LAMC1: variants seen among roughly 807,000 people sequenced by gnomAD.
LAMC1 encodes laminin subunit gamma 1, also known as laminin subunit gamma-1.
A neutral mutation model predicts 173.6 loss-of-function variants in LAMC1; 38 were observed. That is an observed-to-expected ratio of 0.22 (90% CI 0.17 to 0.29). The LOEUF is 0.29. LAMC1 is among the 10% of genes least tolerant of loss of function. The probability of loss-of-function intolerance (pLI) is 1.00; values close to 1 mark genes in which losing one functional copy is unlikely to be tolerated. For synonymous variants in LAMC1, 746 were observed against 749.1 expected, an observed-to-expected ratio of 1.00 and a Z score of 0.07; for missense variants, 1,824 against 2,051.8, an observed-to-expected ratio of 0.89 and a Z score of 2.14.
At chr1:183,030,981 A>C (rs892319364) in intron 1 of LAMC1, among the ~76,000 whole-genome samples, 12 of 152,220 alleles carry the variant, frequency 7.9e-5, no homozygotes, top group Non-Finnish European at 1.8e-4. Context: ...TGGACGACGT[A>C]GACCCTATCT....
Position 183,117,310 on chromosome 1 carries a change from C to A in LAMC1, c.1565-10C>A, listed in dbSNP as rs774255713. The A allele has an allele frequency of 1.3e-6, 2 of 1,598,252 alleles. No homozygotes were observed. Among genetic ancestry groups the A allele is most frequent in the South Asian group, 1.1e-5 (1 of 90,366 alleles). ...TGTAAAGTGCTTGTGTTTTCCTTCTCTACCTGCAGATGAGGATGGGTGGCG... is the reference window on the plus strand; with the variant it reads ...TGTAAAGTGCTTGTGTTTTCCTTCTATACCTGCAGATGAGGATGGGTGGCG... On this transcript the variant is annotated splice_polypyrimidine_tract_variant and intron_variant, in intron 8 of 27. Transcript: ENST00000258341.
chr1:183,106,769 C>G (rs1299536863), intron 2 of LAMC1, among the ~76,000 whole-genome samples: 1 of 152,176 alleles, frequency 6.6e-6, no homozygotes, highest in Non-Finnish European at 1.5e-5. Context: ...CAGCTGGGGC[C>G]TGGGTCTCTG....
In LAMC1 at chr1:183,116,638, G is replaced by C; in HGVS notation, c.1390G>C (p.Val464Leu). The part of the protein sequence containing the change: ...DECNIETGRC[V>L]CKDNVEGFNC... ...ATGTAATATTGAAACAGGAAGATGTGTTTGCAAAGACAATGTCGAAGGCTT... is the reference window on the plus strand; with the variant it reads ...ATGTAATATTGAAACAGGAAGATGTCTTTGCAAAGACAATGTCGAAGGCTT... The change falls in exon 7 of 28, where the codon GTT (valine) becomes CTT (leucine). Residue 464 changes from valine (V) to leucine (L), a missense_variant. Coordinates refer to ENST00000258341, the MANE Select transcript of LAMC1 (RefSeq NM_002293.4). The C allele has an allele frequency of 6.2e-7, 1 of 1,613,606 alleles. No individual in the cohort carries two copies. Among genetic ancestry groups the C allele is most frequent in the East Asian group, 2.2e-5 (1 of 44,878 alleles).
chr1:183,038,692 A>G (rs1268050628), intron 1 of LAMC1, among the ~76,000 whole-genome samples: 1 of 152,190 alleles, frequency 6.6e-6, no homozygotes, highest in Non-Finnish European at 1.5e-5. Flanking sequence ...TGGCATCACG[A>G]ATCCCAATTA....
chr1:183,110,744 G>A, intron 4 of LAMC1, 90 bp downstream of exon 4: 1 of 1,357,648 alleles, frequency 7.4e-7, no homozygotes. Flanking sequence ...ATTCCTCCTT[G>A]AAAGGAAAGC....
intron 1 of LAMC1, among the ~76,000 whole-genome samples, chr1:183,054,263 A>G (rs948876860): frequency 6.6e-6 from 1 of 152,222 alleles, no homozygotes; most frequent in Non-Finnish European, 1.5e-5. Flanking sequence ...CCCAGTGCGG[A>G]TGGAGCACTC....
At chr1:183,086,045 A>G (rs1655418396) in intron 1 of LAMC1, among the ~76,000 whole-genome samples, 1 of 152,214 alleles carries the variant, frequency 6.6e-6, no homozygotes, top group African/African-American at 2.4e-5. Context: ...GCAGACAATA[A>G]AAACAGGAAT....
chr1:183,027,155 C>T (rs1403371228), intron 1 of LAMC1, among the ~76,000 whole-genome samples: 3 of 152,130 alleles, frequency 2.0e-5, no homozygotes, highest in African/African-American at 7.2e-5. Context: ...CTGAAAACAG[C>T]GCTCTCTTAA....
Position 183,110,535 on chromosome 1 carries a change from A to T in LAMC1, c.902A>T (p.Asp301Val), listed in dbSNP as rs1656116937. 2 of 1,613,668 alleles carry T rather than the reference A, an allele frequency of 1.2e-6. No homozygotes were observed. The highest frequency in any genetic ancestry group is 8.5e-7 in the Non-Finnish European group (1 of 1,179,762). The change falls in exon 4 of 28, where the codon GAT becomes GTT. Residue 301 changes from aspartate (D) to valine (V), a missense_variant. Coordinates refer to ENST00000258341, the MANE Select transcript of LAMC1 (RefSeq NM_002293.4). ...HASECMKNEFDKLVCNCKHNT... is the reference protein window; with the variant it reads ...HASECMKNEFVKLVCNCKHNT... ...AGCGAGTGTATGAAGAACGAATTTG[A>T]TAAGCTGGTGTGTAATTGCAAACAT...
At chr1:183,040,424 A>C (rs903164039) in intron 1 of LAMC1, among the ~76,000 whole-genome samples, 1 of 152,382 alleles carries the variant, frequency 6.6e-6, no homozygotes, top group East Asian at 1.9e-4. Context: ...CTAGGCTTCA[A>C]ACATCTGCTG....
In LAMC1 at chr1:183,047,965, C is replaced by T. The variant is rs569089952; in HGVS notation, c.418+23831C>T. 6.6e-5 allele frequency among the ~76,000 whole-genome samples: 10 copies of T among 152,098 alleles called. 1 individual carries two copies. The South Asian group carries it at 2.1e-3, about 32-fold the overall frequency. Reference sequence around the variant, plus strand: ...TTTAGCTTACCGAGAGTTAGTTCACCAATTCGGAAGGCCCCATCTCTGCCA... The same window carrying T: ...TTTAGCTTACCGAGAGTTAGTTCACTAATTCGGAAGGCCCCATCTCTGCCA... On this transcript the variant is annotated intron_variant, in intron 1 of 27. Coordinates refer to ENST00000258341, the MANE Select transcript of LAMC1 (RefSeq NM_002293.4).
At position 183,124,857 on chromosome 1, in the gene LAMC1, T is replaced by C; in HGVS notation, c.2628T>C (p.Asn876=). Residue 876 remains asparagine (N), a synonymous_variant, in exon 14 of 28, where the codon AAT becomes AAC. Coordinates refer to ENST00000258341, the MANE Select transcript of LAMC1 (RefSeq NM_002293.4). ...DGFFGNPLAP[N]PADKCKACNC... is the part of the protein sequence containing the mutation. ...TTTTTGGAAATCCCCTGGCTCCCAA[T>C]CCAGCAGACAAATGCAAAGGTAATC... is the stretch of plus-strand genomic sequence containing the variant. The C allele has an allele frequency of 6.2e-7, 1 of 1,614,092 alleles. No individual in the cohort carries two copies. Among genetic ancestry groups the C allele is most frequent in the Admixed American group, 1.7e-5 (1 of 60,014 alleles).
At chr1:183,089,670 T>C (rs1278684055) in intron 1 of LAMC1, among the ~76,000 whole-genome samples, 1 of 152,230 alleles carries the variant, frequency 6.6e-6, no homozygotes, top group African/African-American at 2.4e-5. Context: ...ATTTAATCTA[T>C]AACACTAAAT....
chr1:183,100,521 A>C (rs574816053), intron 1 of LAMC1, among the ~76,000 whole-genome samples: 2 of 152,250 alleles, frequency 1.3e-5, no homozygotes, highest in East Asian at 3.9e-4. Flanking sequence ...GCTTTCATAC[A>C]TGCCATTTCA....
rs73036978 is a variant in LAMC1 at position 183,143,050 on chromosome 1, G to T, written c.*260G>T. 2 of 407,168 alleles carry T rather than the reference G, an allele frequency of 4.9e-6. No individual in the cohort carries two copies. The highest frequency in any genetic ancestry group is 2.7e-5 in the South Asian group (1 of 36,880). 25.2% of individuals were successfully genotyped at this position (407,168 alleles called of 1,614,324 possible). A position where few individuals can be genotyped will look rare whatever the true frequency, so the allele number is the denominator to read the frequency against. ...ACCCACACTTTCCCTTCTGATTTGC[G>T]TGAGGACGTGGCATCCTACGTTACT... On this transcript the variant is annotated 3_prime_UTR_variant, in exon 28 of 28. Transcript: ENST00000258341.
At chr1:183,036,396 CTT>C (rs768370901) in intron 1 of LAMC1, among the ~76,000 whole-genome samples, 4 of 96,588 alleles carry the variant, frequency 4.1e-5, no homozygotes, top group African/African-American at 7.9e-5. Flanking sequence ...CCACGCCAGT[CTT>C]TTTTTTTTTT....
chr1:183,133,348 A>G, intron 21 of LAMC1, 58 bp from the exon 22 acceptor site: 1 of 1,486,032 alleles, frequency 6.7e-7, no homozygotes, highest in Non-Finnish European at 9.2e-7. Flanking sequence ...AATCTGGTTA[A>G]CATTAAGATG....
intron 1 of LAMC1, among the ~76,000 whole-genome samples, chr1:183,064,567 A>G (rs924176624): frequency 3.3e-5 from 5 of 152,198 alleles, no homozygotes; most frequent in African/African-American, 1.2e-4. Flanking sequence ...ATTTTTACCC[A>G]ATTTTTGGTG....
chr1:183,102,795 C>T (rs1444486881), intron 1 of LAMC1, among the ~76,000 whole-genome samples: 2 of 152,140 alleles, frequency 1.3e-5, no homozygotes, highest in Non-Finnish European at 2.9e-5. Context: ...CAAACACTGT[C>T]CTCCCTTCTT....
Sources: gnomAD v4.1 joint callset for allele counts (sites outside exome capture counted in the v4.1 genomes callset) on GRCh38, gnomAD v4.1.1 for gene constraint, MANE v1.5 for transcripts, NCBI Gene and HGNC (gene_info 2026-07-23, HGNC 2026-07-21) for gene names.